Variants in RUBCN observed in about 807,000 individuals in gnomAD.
The protein encoded by RUBCN is rubicon autophagy regulator, also known as run domain Beclin-1-interacting and cysteine-rich domain-containing protein.
A neutral mutation model predicts 113.2 loss-of-function variants in RUBCN; 74 were observed. The ratio of observed to expected loss-of-function variants is 0.65; its 90% CI spans 0.54 to 0.79. The LOEUF (loss-of-function observed/expected upper bound fraction) is 0.79. Among genes scored for constraint, RUBCN ranks in the 30% least tolerant of loss-of-function variants. The pLI is 0.00. For synonymous variants in RUBCN, 480 were observed against 490.0 expected (o/e 0.98, Z 0.27); for missense variants, 1,109 against 1,251.7 (o/e 0.89, Z 1.72).
upstream of RUBCN, chr3:197,749,716 C>A (rs889166654): frequency 7.8e-5 from 49 of 632,080 alleles, no homozygotes; most frequent in African/African-American, 8.6e-4. Context: ...GCGGTCCTCG[C>A]GAGCGCCTAG....
chr3:197,707,992 T>C (rs1375536777), intron 2 of RUBCN, among the ~76,000 whole-genome samples: 1 of 151,830 alleles, frequency 6.6e-6, no homozygotes, highest in Non-Finnish European at 1.5e-5. Context: ...ATAATGCAAG[T>C]TCTGATTCAG....
In RUBCN at chr3:197,703,632, G is replaced by A. The variant is rs745959907; in HGVS notation, c.486C>T (p.Asp162=). Residue 162 remains aspartate, a synonymous_variant, in exon 5 of 20, where the codon GAC becomes GAT. Transcript: ENST00000296343. Reference sequence around the variant, plus strand: ...ACTGCAGCATGGCCGTGACATGAGCGTCACTTAGCAGGAAGGCAGCATCTG... The same window carrying A: ...ACTGCAGCATGGCCGTGACATGAGCATCACTTAGCAGGAAGGCAGCATCTG... ...FYTDAAFLLS[D]AHVTAMLQCL... is the part of the protein sequence containing the mutation. The A allele has an allele frequency of 1.3e-5, 21 of 1,613,446 alleles. No individual in the cohort carries two copies. The South Asian group carries it at 1.9e-4, about 14-fold the overall frequency.
chr3:197,693,747 G>A lies in RUBCN; in HGVS notation c.1754C>T (p.Ser585Phe), dbSNP rs772553414. ...RDSAQLSDSG[S>F]ADEVDEFEIQ... ...TTCAAATTCATCAACCTCATCAGCAGAGCCAGAGTCAGAGAGCTGTGCCGA... is the reference window on the plus strand; with the variant it reads ...TTCAAATTCATCAACCTCATCAGCAAAGCCAGAGTCAGAGAGCTGTGCCGA... Residue 585 changes from serine to phenylalanine, a missense_variant, in exon 11 of 20, where the codon TCT becomes TTT. By Grantham distance (155) the Ser-to-Phe change is radical. Coordinates refer to ENST00000296343, the MANE Select transcript of RUBCN (RefSeq NM_014687.4). 2 of 1,613,880 alleles carry A rather than the reference G, an allele frequency of 1.2e-6. No individual in the cohort carries two copies. The highest frequency in any genetic ancestry group is 1.1e-5 in the South Asian group (1 of 91,072).
intron 5 of RUBCN, among the ~76,000 whole-genome samples, chr3:197,702,959 G>A (rs1484266732): frequency 6.6e-6 from 1 of 151,910 alleles, no homozygotes; most frequent in African/African-American, 2.4e-5. Flanking sequence ...CTTTGTCAAG[G>A]CTTGGTATCC....
intron 7 of RUBCN, among the ~76,000 whole-genome samples, chr3:197,698,557 G>T (rs577060255): frequency 6.6e-6 from 1 of 151,566 alleles, no homozygotes; most frequent in Non-Finnish European, 1.5e-5. Context: ...AAACGGAACT[G>T]CAGGAGAGGG....
rs781232670 is a variant in RUBCN, at chr3:197,713,156, G to A, written c.219+4821C>T. 1.2e-4 allele frequency among the ~76,000 whole-genome samples: 18 copies of A among 152,342 alleles called. 1 individual carries two copies. Among genetic ancestry groups the A allele is most frequent in the Non-Finnish European group, 1.9e-4 (13 of 68,036 alleles). On this transcript the variant is annotated intron_variant, in intron 2 of 19. Coordinates refer to ENST00000296343, the MANE Select transcript of RUBCN (RefSeq NM_014687.4). ...TTACAGGCATGAGCCACTGTGCCTAGCCAGATATTATCACTCTTAATAACT... is the reference window on the plus strand; with the variant it reads ...TTACAGGCATGAGCCACTGTGCCTAACCAGATATTATCACTCTTAATAACT...
Position 197,681,915 on chromosome 3 carries a change from G to A in RUBCN, c.2127-16C>T. Reference sequence around the variant, plus strand: ...AATTTTCCTCCTGAGGAAGGGTAAGGACAGGGCATTGGCACAGAGCAGCTG... The same window carrying A: ...AATTTTCCTCCTGAGGAAGGGTAAGAACAGGGCATTGGCACAGAGCAGCTG... On this transcript the variant is annotated splice_polypyrimidine_tract_variant and intron_variant, in intron 14 of 19. Transcript: ENST00000296343. This position sits in a 1 kb window ranked among gnomAD's most constrained non-coding sequence, Gnocchi z 5.5. The A allele has an allele frequency of 6.2e-7, 1 of 1,611,076 alleles. No individual in the cohort carries two copies. The highest frequency in any genetic ancestry group is 8.5e-7 in the Non-Finnish European group (1 of 1,177,430).
chr3:197,719,086 G>C (rs563353735), intron 1 of RUBCN, among the ~76,000 whole-genome samples: 1 of 152,082 alleles, frequency 6.6e-6, no homozygotes, highest in African/African-American at 2.4e-5. Flanking sequence ...GTTACAATCC[G>C]GTCTCATAGG....
chr3:197,742,492 A>G (rs1005310687), intron 1 of RUBCN, among the ~76,000 whole-genome samples: 1 of 150,492 alleles, frequency 6.6e-6, no homozygotes, highest in Non-Finnish European at 1.5e-5. Flanking sequence ...GACTGTCTCA[A>G]AAAAAAAAAA....
rs553286736 is a variant in RUBCN at position 197,676,946 on chromosome 3, T to TC, written c.2584dup (p.Glu862GlyfsTer8). On this transcript the variant is annotated frameshift_variant, in exon 18 of 20. Transcript: ENST00000296343. LOFTEE classifies it high-confidence loss of function. Reference sequence around the variant, plus strand: ...GAGCTCAGCAAGCCGGGGCCCCAGCTCCCCCTTCCTGGTCGCAGTCAGGTC... The same window carrying TC: ...GAGCTCAGCAAGCCGGGGCCCCAGCTCCCCCCTTCCTGGTCGCAGTCAGGTC... 6.2e-7 allele frequency: 1 copy of TC among 1,614,078 alleles called. No individual in the cohort carries two copies. Among genetic ancestry groups the TC allele is most frequent in the Non-Finnish European group, 8.5e-7 (1 of 1,180,014 alleles).
chr3:197,695,143 G>A (rs556339549), intron 9 of RUBCN, among the ~76,000 whole-genome samples: 314 of 148,092 alleles, frequency 2.1e-3, no homozygotes, highest in Non-Finnish European at 3.2e-3. Flanking sequence ...CAGACGCAGC[G>A]GCTCACACCT....
At chr3:197,705,329 G>A (rs1724173104) in intron 2 of RUBCN, among the ~76,000 whole-genome samples, 154 bp from the exon 3 acceptor site, 1 of 152,138 alleles carries the variant, frequency 6.6e-6, no homozygotes, top group Admixed American at 6.5e-5. Flanking sequence ...CAGAGGCCAG[G>A]GGTGGTGGCT....
Position 197,677,368 on chromosome 3 carries a change from T to C in RUBCN, c.2492+112A>G, listed in dbSNP as rs1720556246. 4.3e-6 allele frequency: 4 copies of C among 930,450 alleles called. No homozygotes were observed. The African/African-American group carries it at 4.9e-5, about 11-fold the overall frequency. 57.6% of individuals were successfully genotyped at this position (930,450 alleles called of 1,614,324 possible). A position where few individuals can be genotyped will look rare whatever the true frequency, so the allele number is the denominator to read the frequency against. ...GGCCTCCTGTTTACCACTTTACAGT[T>C]CTGCAAAATCTCTCTACTCTCCTTC... On this transcript the variant is annotated intron_variant, in intron 17 of 19. Transcript: ENST00000296343.
At chr3:197,698,077 C>A (rs554962175) in intron 7 of RUBCN, among the ~76,000 whole-genome samples, 1 of 152,194 alleles carries the variant, frequency 6.6e-6, no homozygotes, top group Non-Finnish European at 1.5e-5. Context: ...CAGCACACAA[C>A]ACAAACTCCA....
Position 197,675,529 on chromosome 3 carries a change from A to C in RUBCN, c.2647-14T>G. The C allele has an allele frequency of 6.3e-7, 1 of 1,599,118 alleles. No individual in the cohort carries two copies. The highest frequency in any genetic ancestry group is 8.6e-7 in the Non-Finnish European group (1 of 1,168,814). ...GGCTTGGCAGAGCTGGGGAGGAAAA[A>C]CACAGATGGCAAAATGAGGAGCGGC... On this transcript the variant is annotated splice_polypyrimidine_tract_variant and intron_variant, in intron 18 of 19. Coordinates refer to ENST00000296343, the MANE Select transcript of RUBCN (RefSeq NM_014687.4). This position sits in a 1 kb window ranked among gnomAD's most constrained non-coding sequence, Gnocchi z 4.4.
At chr3:197,714,516 T>C (rs1248641379) in intron 2 of RUBCN, among the ~76,000 whole-genome samples, 1 of 152,138 alleles carries the variant, frequency 6.6e-6, no homozygotes, top group Non-Finnish European at 1.5e-5. Flanking sequence ...GAGATAGGGA[T>C]CTTGCTGTGT....
Position 197,681,761 on chromosome 3 carries a change from C to A in RUBCN, c.2191+74G>T. On this transcript the variant is annotated intron_variant, in intron 15 of 19. Transcript: ENST00000296343. The surrounding 1 kb of genome is among the most constrained non-coding windows in gnomAD (Gnocchi z 5.5). ...CCACCTCCTGCTACCGCCTTTGACA[C>A]GCCACCTCTCCCTACGTGTCGGGGA... The A allele has an allele frequency of 7.4e-7, 1 of 1,360,090 alleles. No individual in the cohort carries two copies. 84.3% of individuals were successfully genotyped at this position (1,360,090 alleles called of 1,614,324 possible).
At chr3:197,712,395 G>T (rs1390201941) in intron 2 of RUBCN, among the ~76,000 whole-genome samples, 2 of 152,082 alleles carry the variant, frequency 1.3e-5, no homozygotes, top group African/African-American at 4.8e-5. Flanking sequence ...AGCCCAGAGG[G>T]GACATGAGCA....
intron 2 of RUBCN, among the ~76,000 whole-genome samples, chr3:197,717,132 A>C (rs756502709): frequency 6.7e-6 from 1 of 148,444 alleles, no homozygotes; most frequent in Non-Finnish European, 1.5e-5. Context: ...AAACACAAAC[A>C]AACAAACAAA....
Sources: gnomAD v4.1 joint callset for allele counts (sites outside exome capture counted in the v4.1 genomes callset) on GRCh38, gnomAD v4.1.1 for gene constraint, Gnocchi (gnomAD v3.1) non-coding constraint, MANE v1.5 for transcripts, NCBI Gene and HGNC (gene_info 2026-07-23, HGNC 2026-07-21) for gene names.